The following CHRNA4 variants were observed in gnomAD, a reference collection of about 807,000 sequenced individuals.
The protein encoded by CHRNA4 is cholinergic receptor nicotinic alpha 4 subunit.
In CHRNA4, 28 loss-of-function variants were observed where a neutral mutation model predicts 48.9. The observed-to-expected ratio is 0.57, with a 90% CI of 0.42 to 0.79. The LOEUF is 0.79. Ranked by LOEUF, CHRNA4 falls within the 30% of genes least tolerant of loss-of-function variation. CHRNA4 has a pLI of 0.00. For synonymous variants in CHRNA4, 425 were observed against 402.3 expected (o/e 1.06, Z -0.68); for missense variants, 859 against 898.4 (o/e 0.96, Z 0.56).
At position 63,357,089 on chromosome 20, in the gene CHRNA4, C is replaced by T. The variant is rs57989637; in HGVS notation, c.229-674G>A. ...TCCACGGACCACGTCCCCACAGAACCACATCCCCACAGGACCACATTCCCA... is the reference window on the plus strand; with the variant it reads ...TCCACGGACCACGTCCCCACAGAACTACATCCCCACAGGACCACATTCCCA... On this transcript the variant is annotated intron_variant, in intron 2 of 5. Transcript: ENST00000370263. 1.5e-3 allele frequency among the ~76,000 whole-genome samples: 216 copies of T among 145,966 alleles called. 3 individuals carry two copies. The highest frequency in any genetic ancestry group is 4.7e-3 in the South Asian group (21 of 4,422).
Position 63,344,984 on chromosome 20 carries a change from C to A in CHRNA4, c.*1754G>T. 2.3e-6 allele frequency: 1 copy of A among 429,936 alleles called. No homozygotes were observed. The highest frequency in any genetic ancestry group is 4.7e-6 in the Non-Finnish European group (1 of 210,598). 26.6% of individuals were successfully genotyped at this position (429,936 alleles called of 1,614,324 possible). On this transcript the variant is annotated 3_prime_UTR_variant, in exon 6 of 6. Transcript: ENST00000370263. This position sits in a 1 kb window ranked among gnomAD's most constrained non-coding sequence, Gnocchi z 4.5. ...CCCACTCCTGGCACAAAAGCCCCAG[C>A]CTCAGGACCCCGGTCACAGGCACCC...
intron 5 of CHRNA4, among the ~76,000 whole-genome samples, chr20:63,347,685 G>A (rs1006650840): frequency 4.6e-5 from 7 of 152,320 alleles, no homozygotes; most frequent in Middle Eastern, 3.4e-3. Flanking sequence ...CCCGTCCCGC[G>A]TCTCTGGCTC....
In CHRNA4 at chr20:63,360,720, G is replaced by C. The variant is rs114753568; in HGVS notation, c.76+370C>G. On this transcript the variant is annotated intron_variant, in intron 1 of 5. Coordinates refer to ENST00000370263, the MANE Select transcript of CHRNA4 (RefSeq NM_000744.7). ...GCCACCCCTCTGATCCCCTAAACCGGAGGAAGCAGGCATGGGGGTCTTCAG... is the reference window on the plus strand; with the variant it reads ...GCCACCCCTCTGATCCCCTAAACCGCAGGAAGCAGGCATGGGGGTCTTCAG... Among the ~76,000 whole-genome samples, 682 of 152,342 alleles carry C rather than the reference G, an allele frequency of 4.5e-3. 4 individuals carry two copies. Among genetic ancestry groups the C allele is most frequent in the African/African-American group, 0.016 (645 of 41,590 alleles).
intron 5 of CHRNA4, among the ~76,000 whole-genome samples, chr20:63,347,887 G>A (rs960724531): frequency 2.6e-5 from 4 of 151,482 alleles, no homozygotes; most frequent in African/African-American, 7.3e-5. Flanking sequence ...TCCTGATGGT[G>A]TTAAACTGAA....
rs201386851 is a variant in CHRNA4 at position 63,355,986 on chromosome 20, G to A, written c.372C>T (p.Val124=). The part of the protein sequence containing the change: ...PSELIWRPDI[V]LYNNADGDFA... ...TGTAGAGGACTCACTTGTTGTAGAG[G>A]ACGATGTCCGGCCGCCAGATGAGCT... Residue 124 remains valine (V), a synonymous_variant, in exon 4 of 6, where the codon GTC becomes GTT. Transcript: ENST00000370263. The A allele has an allele frequency of 3.2e-5, 52 of 1,612,106 alleles. No individual in the cohort carries two copies. The South Asian group carries it at 4.4e-4, about 14-fold the overall frequency.
At position 63,351,235 on chromosome 20, in the gene CHRNA4, C is replaced by CCCACGT. The variant is rs1279429508; in HGVS notation, c.384-214_384-209dup. 264 of 381,682 alleles carry CCCACGT rather than the reference C, an allele frequency of 6.9e-4. 15 individuals are homozygous for CCCACGT. In the African/African-American group the frequency reaches 7.7e-3, roughly 11 times the overall value. 23.6% of individuals were successfully genotyped at this position (381,682 alleles called of 1,614,324 possible). A position where few individuals can be genotyped will look rare whatever the true frequency, so the allele number is the denominator to read the frequency against. On this transcript the variant is annotated intron_variant, in intron 4 of 5. Transcript: ENST00000370263. ...GTCCACGTCCACGCCCACATCCACA[C>CCCACGT]CCACGTCCACGTCCACGTCCACGTC...
chr20:63,356,117 G>A, intron 3 of CHRNA4, 33 bp from the exon 4 acceptor site: 1 of 1,099,030 alleles, frequency 9.1e-7, no homozygotes, highest in Non-Finnish European at 1.3e-6. Context: ...AGGCTGCAGG[G>A]TGAGGGGTGT....
In CHRNA4 at chr20:63,350,052, G is replaced by A. The variant is rs121912276; in HGVS notation, c.1359C>T (p.His453=). 47 of 1,512,986 alleles carry A rather than the reference G, an allele frequency of 3.1e-5. No homozygotes were observed. Among genetic ancestry groups the A allele is most frequent in the African/African-American group, 2.1e-4 (15 of 72,450 alleles). The allele number at this position is 1,512,986 out of a possible 1,614,324, so 93.7% of individuals were successfully genotyped here. A position where few individuals can be genotyped will look rare whatever the true frequency, so the allele number is the denominator to read the frequency against. ...TGGCCAGCCCTGGTGCCTGGGTGCC[G>A]TGGGGCGGGCGGCAGGGTCCAGGCG... is the stretch of plus-strand genomic sequence containing the variant. ...HPSPGPCRPP[H]GTQAPGLAKA... Residue 453 remains histidine (H), a synonymous_variant, in exon 5 of 6, where the codon CAC becomes CAT. Coordinates refer to ENST00000370263, the MANE Select transcript of CHRNA4 (RefSeq NM_000744.7).
intron 5 of CHRNA4, among the ~76,000 whole-genome samples, chr20:63,347,428 C>T (rs2068513739): frequency 6.6e-6 from 1 of 152,244 alleles, no homozygotes; most frequent in Non-Finnish European, 1.5e-5. Flanking sequence ...CTGAGGCCTT[C>T]AGGGGCGGCT....
intron 1 of CHRNA4, chr20:63,359,953 C>T: frequency 5.6e-6 from 2 of 354,948 alleles, no homozygotes; most frequent in Admixed American, 9.7e-5. Context: ...GCGCTGACCT[C>T]TCTTGGCCTC....
chr20:63,346,706 A>T lies in CHRNA4; in HGVS notation c.*32T>A, dbSNP rs200491055. The stretch of plus-strand genomic sequence containing the variant: ...CATGGATGCTGGCCCCGTGCACGGC[A>T]GCCCCAGGCCACGCAGGCTCCCGGT... On this transcript the variant is annotated 3_prime_UTR_variant, in exon 6 of 6. Transcript: ENST00000370263. The T allele has an allele frequency of 6.9e-6, 11 of 1,591,984 alleles. No homozygotes were observed. Among genetic ancestry groups the T allele is most frequent in the Non-Finnish European group, 9.4e-6 (11 of 1,173,660 alleles).
intron 5 of CHRNA4, 195 bp from the exon 6 acceptor site, chr20:63,347,058 C>G: frequency 1.4e-6 from 1 of 735,116 alleles, no homozygotes; most frequent in Non-Finnish European, 2.3e-6. Context: ...CAGTGCTCTG[C>G]GGGGGGCATC....
In CHRNA4 at chr20:63,361,345, T is replaced by C; in HGVS notation, c.-180A>G. The C allele has an allele frequency of 9.9e-7, 1 of 1,007,462 alleles. No homozygotes were observed. Among genetic ancestry groups the C allele is most frequent in the Non-Finnish European group, 1.2e-6 (1 of 869,510 alleles). 62.4% of individuals were successfully genotyped at this position (1,007,462 alleles called of 1,614,324 possible). A position where few individuals can be genotyped will look rare whatever the true frequency, so the allele number is the denominator to read the frequency against. On this transcript the variant is annotated 5_prime_UTR_variant, in exon 1 of 6. Coordinates refer to ENST00000370263, the MANE Select transcript of CHRNA4 (RefSeq NM_000744.7). ...CGGCGCGGCAGGGAGCGCCGGGCTGTGGGCTCCGTGGCGCGGCCCCGCCCG... is the reference window on the plus strand; with the variant it reads ...CGGCGCGGCAGGGAGCGCCGGGCTGCGGGCTCCGTGGCGCGGCCCCGCCCG...
In CHRNA4 at chr20:63,343,570, G is replaced by A. The variant is rs200044310; in HGVS notation, c.*3168C>T. On this transcript the variant is annotated 3_prime_UTR_variant, in exon 6 of 6. Transcript: ENST00000370263. The stretch of plus-strand genomic sequence containing the variant: ...ACAAGGGAGCCTGAGTGACAACTCC[G>A]GAGGCCAGCCATTGAGAGATTACCA... 4.4e-5 allele frequency: 20 copies of A among 451,920 alleles called. No individual in the cohort carries two copies. Among genetic ancestry groups the A allele is most frequent in the East Asian group, 1.4e-4 (2 of 14,408 alleles). The allele number at this position is 451,920 out of a possible 1,614,324, so 28.0% of individuals were successfully genotyped here.
chr20:63,351,117 AC>A, intron 4 of CHRNA4, 90 bp from the exon 5 acceptor site: 1 of 1,385,366 alleles, frequency 7.2e-7, no homozygotes, highest in Non-Finnish European at 9.8e-7. Flanking sequence ...GCCCACGTCC[AC>A]ACCCACACCC....
chr20:63,361,254 GCGCCTCGCGGGC>G lies in CHRNA4; in HGVS notation c.-101_-90del. 1 of 1,406,542 alleles carries G rather than the reference GCGCCTCGCGGGC, an allele frequency of 7.1e-7. No individual in the cohort carries two copies. The highest frequency in any genetic ancestry group is 9.2e-7 in the Non-Finnish European group (1 of 1,082,842). The allele number at this position is 1,406,542 out of a possible 1,614,324, so 87.1% of individuals were successfully genotyped here. A position where few individuals can be genotyped will look rare whatever the true frequency, so the allele number is the denominator to read the frequency against. On this transcript the variant is annotated 5_prime_UTR_variant, in exon 1 of 6. Coordinates refer to ENST00000370263, the MANE Select transcript of CHRNA4 (RefSeq NM_000744.7). ...GTGCGCGCCCAACTTCATGCCTCCC[GCGCCTCGCGGGC>G]CGCTTCGGCCGCCGGGCCCGGTTCG...
chr20:63,345,154 A>G lies in CHRNA4; in HGVS notation c.*1584T>C, dbSNP rs995730414. On this transcript the variant is annotated 3_prime_UTR_variant, in exon 6 of 6. Transcript: ENST00000370263. The surrounding 1 kb of genome is among the most constrained non-coding windows in gnomAD (Gnocchi z 5.4). ...GCCGGGTTCCTAACCTCAATTATTC[A>G]TTCTGCTCTCAGGCACCTCCTGACG... 1.3e-5 allele frequency: 6 copies of G among 453,318 alleles called. No individual in the cohort carries two copies. Among genetic ancestry groups the G allele is most frequent in the African/African-American group, 1.2e-4 (6 of 49,940 alleles). The allele number at this position is 453,318 out of a possible 1,614,324, so 28.1% of individuals were successfully genotyped here.
At chr20:63,351,614 C>T (rs1282927782) in intron 4 of CHRNA4, among the ~76,000 whole-genome samples, 1 of 152,246 alleles carries the variant, frequency 6.6e-6, no homozygotes, top group Non-Finnish European at 1.5e-5. Flanking sequence ...AGGCCACCTC[C>T]CAGTGTGTGA....
chr20:63,346,014 C>T lies in CHRNA4; in HGVS notation c.*724G>A, dbSNP rs45628135. The T allele has an allele frequency of 2.2e-3, 986 of 454,018 alleles. 6 individuals carry two copies. Among genetic ancestry groups the T allele is most frequent in the African/African-American group, 0.017 (832 of 50,124 alleles). 28.1% of individuals were successfully genotyped at this position (454,018 alleles called of 1,614,324 possible). A position where few individuals can be genotyped will look rare whatever the true frequency, so the allele number is the denominator to read the frequency against. Reference sequence around the variant, plus strand: ...GCTGGGGCTGGGTGTTCCTGTCCCCCGCGGAGGGCCTGCGCAGGGGAGAGC... The same window carrying T: ...GCTGGGGCTGGGTGTTCCTGTCCCCTGCGGAGGGCCTGCGCAGGGGAGAGC... On this transcript the variant is annotated 3_prime_UTR_variant, in exon 6 of 6. Transcript: ENST00000370263.
Sources: allele counts gnomAD v4.1 joint callset (sites outside exome capture counted in the v4.1 genomes callset), GRCh38; gene constraint gnomAD v4.1.1; non-coding constraint Gnocchi (gnomAD v3.1); transcripts MANE v1.5; gene names NCBI Gene and HGNC (gene_info 2026-07-23, HGNC 2026-07-21).